The following SGCD variants were observed in gnomAD, a reference collection of about 807,000 sequenced individuals.
SGCD encodes sarcoglycan delta.
SGCD carries 18 observed loss-of-function variants against 36.6 expected under a neutral mutation model. That is an observed-to-expected ratio of 0.49 (90% CI 0.34 to 0.73). SGCD has a LOEUF of 0.73. Ranked by LOEUF, SGCD falls within the 30% of genes least tolerant of loss-of-function variation. The pLI is 0.01. For synonymous variants in SGCD, 133 were observed against 130.6 expected (o/e 1.02, Z -0.12); for missense variants, 387 against 346.7 (o/e 1.12, Z -0.92).
intron 6 of SGCD, among the ~76,000 whole-genome samples, chr5:156,626,726 G>C (rs566453343): frequency 6.6e-6 from 1 of 152,186 alleles, no homozygotes; most frequent in East Asian, 1.9e-4. Context: ...CCAATATGTA[G>C]GTAGATTTGT....
intron 1 of SGCD, among the ~76,000 whole-genome samples, chr5:155,992,092 C>T (rs1228764449): frequency 6.6e-6 from 1 of 152,212 alleles, no homozygotes; most frequent in African/African-American, 2.4e-5. Context: ...TAATTTTCAT[C>T]ATCTTCCCAC....
chr5:156,393,837 C>A (rs750190134), intron 3 of SGCD: 1 of 456,294 alleles, frequency 2.2e-6, no homozygotes, highest in South Asian at 1.5e-5. Flanking sequence ...AGCCAGGTGA[C>A]TCAGATTCCA....
chr5:155,996,136 G>C (rs1412483109), intron 1 of SGCD, among the ~76,000 whole-genome samples: 1 of 152,038 alleles, frequency 6.6e-6, no homozygotes, highest in East Asian at 1.9e-4. Context: ...ATTTGTCTTA[G>C]GTTCAGGGTT....
chr5:156,367,269 GGCATGGA>G (rs1444076027), intron 3 of SGCD, among the ~76,000 whole-genome samples: 2 of 152,136 alleles, frequency 1.3e-5, no homozygotes, highest in Admixed American at 6.5e-5. Context: ...TGCAGGAAAG[GGCATGGA>G]GATATGAATT....
intron 7 of SGCD, among the ~76,000 whole-genome samples, chr5:156,723,646 G>A (rs1183809359): frequency 1.3e-5 from 2 of 152,206 alleles, no homozygotes; most frequent in African/African-American, 4.8e-5. Flanking sequence ...CCCTGAGGGG[G>A]TGATGCTTGA....
chr5:156,510,607 C>CT (rs998042675), intron 4 of SGCD, among the ~76,000 whole-genome samples: 5 of 151,618 alleles, frequency 3.3e-5, no homozygotes, highest in Non-Finnish European at 2.9e-5. Context: ...TTATTTTAAA[C>CT]TTTTTTTTTC....
At chr5:156,383,150 G>C (rs1334981913) in intron 3 of SGCD, among the ~76,000 whole-genome samples, 1 of 152,158 alleles carries the variant, frequency 6.6e-6, no homozygotes, top group Non-Finnish European at 1.5e-5. Flanking sequence ...GCCATGTGCT[G>C]TGTGGTACAT....
At chr5:156,058,412 T>G (rs1325682633) in intron 1 of SGCD, among the ~76,000 whole-genome samples, 1 of 146,348 alleles carries the variant, frequency 6.8e-6, no homozygotes, top group Non-Finnish European at 1.5e-5. Flanking sequence ...TTATTTAATG[T>G]GCATGTGAAT....
chr5:155,847,148 T>G, the SGCD span, among the ~76,000 whole-genome samples: 14,944 of 152,228 alleles, frequency 0.098, 1,137 homozygotes, highest in African/African-American at 0.21. Flanking sequence ...CATGAATGGG[T>G]ACATGTGCAT....
intron 4 of SGCD, among the ~76,000 whole-genome samples, chr5:156,575,517 A>T (rs2113306904): frequency 6.6e-6 from 1 of 152,240 alleles, no homozygotes; most frequent in South Asian, 2.1e-4. Context: ...TGTGCTCCAC[A>T]CTCAGCCTCA....
intron 1 of SGCD, among the ~76,000 whole-genome samples, chr5:156,059,331 CTTGTA>C (rs1760144197): frequency 6.8e-6 from 1 of 146,148 alleles, no homozygotes; most frequent in South Asian, 2.2e-4. Context: ...GCTAAGGAAA[CTTGTA>C]TTGTGAGAGA....
the SGCD span, among the ~76,000 whole-genome samples, chr5:155,851,640 GTTCATA>G: frequency 6.6e-6 from 1 of 152,156 alleles, no homozygotes; most frequent in Non-Finnish European, 1.5e-5. Context: ...CACAGACACA[GTTCATA>G]ATAAATGCTC....
the SGCD span, among the ~76,000 whole-genome samples, chr5:155,847,675 G>A: frequency 2.0e-3 from 308 of 152,274 alleles, 1 homozygote; most frequent in African/African-American, 7.0e-3. Context: ...ATTCTACAGA[G>A]AGGAAGCTTA....
At chr5:156,524,551 A>T (rs1757568342) in intron 4 of SGCD, among the ~76,000 whole-genome samples, 1 of 151,690 alleles carries the variant, frequency 6.6e-6, no homozygotes, top group Non-Finnish European at 1.5e-5. Flanking sequence ...AAAACCAATA[A>T]CGTATTCACC....
At chr5:156,634,447 A>G (rs997142818) in intron 6 of SGCD, among the ~76,000 whole-genome samples, 24 of 151,934 alleles carry the variant, frequency 1.6e-4, no homozygotes, top group Admixed American at 2.6e-4. Context: ...AAGAAAAAAC[A>G]AAGGAAAACA....
At chr5:156,287,627 T>G (rs1007968515) in intron 3 of SGCD, among the ~76,000 whole-genome samples, 71 of 146,396 alleles carry the variant, frequency 4.8e-4, no homozygotes, top group African/African-American at 1.8e-3. Context: ...TTCCGTTTCT[T>G]TGTGTGTGTG....
intron 1 of SGCD, among the ~76,000 whole-genome samples, chr5:155,883,200 A>G (rs1205968988): frequency 6.6e-6 from 1 of 152,202 alleles, no homozygotes; most frequent in East Asian, 1.9e-4. Context: ...GGCTGGTTTA[A>G]TCACTCAAAC....
intron 3 of SGCD, among the ~76,000 whole-genome samples, chr5:156,409,049 A>G (rs1412365913): frequency 6.6e-6 from 1 of 152,222 alleles, no homozygotes; most frequent in East Asian, 1.9e-4. Flanking sequence ...TGCTTACAAA[A>G]ATATACTTAA....
intron 3 of SGCD, among the ~76,000 whole-genome samples, chr5:156,482,291 A>G (rs1355436872): frequency 3.3e-5 from 5 of 152,152 alleles, no homozygotes; most frequent in Non-Finnish European, 2.9e-5. Flanking sequence ...GCTAACATAT[A>G]GAAGATGCTT....
Sources: allele counts gnomAD v4.1 joint callset (sites outside exome capture counted in the v4.1 genomes callset), GRCh38; gene constraint gnomAD v4.1.1; transcripts MANE v1.5; gene names NCBI Gene and HGNC (gene_info 2026-07-23, HGNC 2026-07-21).